The following CACNA1C variants were observed in gnomAD, a reference collection of about 807,000 sequenced individuals.
CACNA1C encodes calcium voltage-gated channel subunit alpha1 C.
In CACNA1C, 30 loss-of-function variants were observed where a neutral mutation model predicts 229.0. That is an observed-to-expected ratio of 0.13 (90% CI 0.10 to 0.18). The LOEUF (loss-of-function observed/expected upper bound fraction) is 0.18, where lower values mean the gene tolerates loss of function less well. Among genes scored for constraint, CACNA1C ranks in the 10% least tolerant of loss-of-function variants. The probability of loss-of-function intolerance (pLI) is 1.00; values close to 1 mark genes in which losing one functional copy is unlikely to be tolerated. For missense variants in CACNA1C, 1,658 were observed against 2,845.0 expected (o/e 0.58, Z 9.49); for synonymous variants, 1,114 against 1,132.5 (o/e 0.98, Z 0.33).
Position 2,067,106 on chromosome 12 carries a change from A to G in CACNA1C, c.49+13495A>G, listed in dbSNP as rs1414157285. ...GCTTCCCCAGAAATGAATTTGGCAA[A>G]GTGAGACAGCTGCTGACTAGGTCTG... On this transcript the variant is annotated intron_variant, in intron 1 of 46. Transcript: ENST00000399655. The surrounding 1 kb of genome is among the most constrained non-coding windows in gnomAD (Gnocchi z 5.3). Among the ~76,000 whole-genome samples the G allele has an allele frequency of 6.6e-6, 1 of 152,134 alleles. No individual in the cohort carries two copies. The highest frequency in any genetic ancestry group is 6.5e-5 in the Admixed American group (1 of 15,288).
At chr12:2,534,819 G>C (rs1422919607) in intron 9 of CACNA1C, among the ~76,000 whole-genome samples, 1 of 152,202 alleles carries the variant, frequency 6.6e-6, no homozygotes, top group East Asian at 1.9e-4. Context: ...GGAAGGTGGT[G>C]GCGAGGTCTC....
rs1594471456 is a variant in CACNA1C, at chr12:2,054,028, C to T, written c.49+417C>T. Among the ~76,000 whole-genome samples, 1 of 146,844 alleles carries T rather than the reference C, an allele frequency of 6.8e-6. No homozygotes were observed. The highest frequency in any genetic ancestry group is 6.8e-5 in the Admixed American group (1 of 14,802). ...CCGGGGTCCCTCGCCCGGCTCGGGGCGCGGCTGGGAGCGCGCGCGCGCGCA... is the reference window on the plus strand; with the variant it reads ...CCGGGGTCCCTCGCCCGGCTCGGGGTGCGGCTGGGAGCGCGCGCGCGCGCA... On this transcript the variant is annotated intron_variant, in intron 1 of 46. Coordinates refer to ENST00000399655, the MANE Select transcript of CACNA1C (RefSeq NM_000719.7). This position sits in a 1 kb window ranked among gnomAD's most constrained non-coding sequence, Gnocchi z 5.5.
At chr12:2,000,635 G>A (rs1410806565) in intron 1 of CACNA1C, among the ~76,000 whole-genome samples, 1 of 152,146 alleles carries the variant, frequency 6.6e-6, no homozygotes, top group Admixed American at 6.5e-5. Flanking sequence ...TTGTTCATAG[G>A]AAGGAGTTGT....
At position 2,677,866 on chromosome 12, in the gene CACNA1C, G is replaced by T. The variant is rs1251312841; in HGVS notation, c.5090G>T (p.Arg1697Met). ...VSAASEDDIFRRAGGLFGNHV... is the reference protein window; with the variant it reads ...VSAASEDDIFMRAGGLFGNHV... ...GCTGCTTCTGAAGATGACATCTTCA[G>T]GGTGGGTGGTGCCATGGCGCACTCT... is the stretch of plus-strand genomic sequence containing the variant. The change falls in exon 41 of 47, where the codon AGG (arginine) becomes ATG (methionine). Residue 1697 changes from arginine to methionine, a missense_variant and splice_region_variant. Arg to Met is a moderately conservative substitution (Grantham distance 91). Transcript: ENST00000399655. This position sits in a 1 kb window ranked among gnomAD's most constrained non-coding sequence, Gnocchi z 7.4. The T allele has an allele frequency of 6.2e-7, 1 of 1,613,980 alleles. No homozygotes were observed. The highest frequency in any genetic ancestry group is 8.5e-7 in the Non-Finnish European group (1 of 1,179,880).
chr12:2,381,002 G>C (rs1424994728), intron 3 of CACNA1C, among the ~76,000 whole-genome samples: 1 of 152,202 alleles, frequency 6.6e-6, no homozygotes, highest in Non-Finnish European at 1.5e-5. Context: ...TGTGAAAGAA[G>C]AGAAGCAATT....
chr12:2,016,867 G>A (rs1459468438), intron 1 of CACNA1C, among the ~76,000 whole-genome samples: 2 of 152,338 alleles, frequency 1.3e-5, no homozygotes, highest in East Asian at 1.9e-4. Flanking sequence ...GATGTAGGAC[G>A]TGGCCTGGGC....
intron 43 of CACNA1C, among the ~76,000 whole-genome samples, chr12:2,683,612 G>C (rs991495652): frequency 6.6e-6 from 1 of 152,224 alleles, no homozygotes; most frequent in Non-Finnish European, 1.5e-5. Flanking sequence ...ATGGGCTTGC[G>C]TGCAGCCACT....
At chr12:2,662,070 G>A (rs200621723) in intron 34 of CACNA1C, among the ~76,000 whole-genome samples, 10 of 152,100 alleles carry the variant, frequency 6.6e-5, no homozygotes, top group South Asian at 2.1e-4. Context: ...GTGAAACCCC[G>A]TCTCTACTAA....
chr12:2,211,359 TG>T (rs1566424894), intron 3 of CACNA1C, among the ~76,000 whole-genome samples: 4 of 152,324 alleles, frequency 2.6e-5, no homozygotes, highest in African/African-American at 9.6e-5. Context: ...TGTGGGCACA[TG>T]GCTTCACCAG....
intron 3 of CACNA1C, among the ~76,000 whole-genome samples, chr12:2,161,741 G>A (rs1376513001): frequency 6.6e-6 from 1 of 152,202 alleles, no homozygotes; most frequent in Non-Finnish European, 1.5e-5. Context: ...GCCCCCAGAG[G>A]TTCTGGCTTT....
At chr12:2,583,162 G>C (rs373477644) in intron 15 of CACNA1C, among the ~76,000 whole-genome samples, 2 of 152,330 alleles carry the variant, frequency 1.3e-5, no homozygotes, top group East Asian at 3.9e-4. Context: ...GCGGCGCCGC[G>C]CTCCGGGCGG....
At chr12:1,995,573 T>A (rs1323549502) in intron 1 of CACNA1C, among the ~76,000 whole-genome samples, 1 of 152,222 alleles carries the variant, frequency 6.6e-6, no homozygotes, top group Non-Finnish European at 1.5e-5. Flanking sequence ...TGCCTCCCAT[T>A]CCTTCCTTCC....
chr12:2,565,190 C>A (rs61909409), intron 11 of CACNA1C, among the ~76,000 whole-genome samples: 26 of 152,082 alleles, frequency 1.7e-4, no homozygotes, highest in Non-Finnish European at 3.5e-4. Context: ...CAACCCCGGC[C>A]GGGCGCGGTG....
At chr12:2,257,706 A>G (rs1350582547) in intron 3 of CACNA1C, among the ~76,000 whole-genome samples, 1 of 152,170 alleles carries the variant, frequency 6.6e-6, no homozygotes, top group South Asian at 2.1e-4. Flanking sequence ...ATTTTCATTG[A>G]TCTCTTCTCC....
intron 13 of CACNA1C, among the ~76,000 whole-genome samples, chr12:2,578,424 A>C (rs2059345839): frequency 6.6e-6 from 1 of 151,884 alleles, no homozygotes; most frequent in South Asian, 2.1e-4. Flanking sequence ...CTTTGGGAGG[A>C]CTCTGGCTTT....
At chr12:2,075,828 T>C (rs1274429369) in intron 1 of CACNA1C, among the ~76,000 whole-genome samples, 1 of 152,208 alleles carries the variant, frequency 6.6e-6, no homozygotes, top group Non-Finnish European at 1.5e-5. Context: ...TGCCAGGGCT[T>C]GTTCTTGGGA....
intron 30 of CACNA1C, among the ~76,000 whole-genome samples, chr12:2,648,187 C>T (rs2094541446): frequency 6.6e-6 from 1 of 152,066 alleles, no homozygotes; most frequent in African/African-American, 2.4e-5. Context: ...CACAAAATCC[C>T]AAAGACCTCA....
intron 4 of CACNA1C, among the ~76,000 whole-genome samples, chr12:2,450,044 A>G (rs1228243712): frequency 1.3e-5 from 2 of 152,188 alleles, no homozygotes; most frequent in African/African-American, 4.8e-5. Context: ...CAGGTAACCA[A>G]ACCCCAATCA....
intron 3 of CACNA1C, among the ~76,000 whole-genome samples, chr12:2,362,330 G>C (rs986848155): frequency 6.6e-6 from 1 of 152,146 alleles, no homozygotes; most frequent in Non-Finnish European, 1.5e-5. Context: ...TACAGTGCCA[G>C]AGATTGAAGG....
Sources: allele counts gnomAD v4.1 joint callset (sites outside exome capture counted in the v4.1 genomes callset), GRCh38; gene constraint gnomAD v4.1.1; non-coding constraint Gnocchi (gnomAD v3.1); transcripts MANE v1.5; gene names NCBI Gene and HGNC (gene_info 2026-07-23, HGNC 2026-07-21).